Variants in HCRTR2 observed in about 807,000 individuals in gnomAD.
HCRTR2 encodes the protein orexin receptor type 2.
Under a neutral mutation model 49.0 loss-of-function variants are expected in HCRTR2, and 22 were observed. That is an observed-to-expected ratio of 0.45 (90% CI 0.32 to 0.64). The LOEUF is 0.64. Among genes scored for constraint, HCRTR2 ranks in the 30% least tolerant of loss-of-function variants. The pLI is 0.04. For synonymous variants in HCRTR2, 236 were observed against 205.3 expected (o/e 1.15, Z -1.28); for missense variants, 491 against 559.4 (o/e 0.88, Z 1.23).
chr6:55,206,374 T>C (rs2127288420), intron 1 of HCRTR2, among the ~76,000 whole-genome samples: 1 of 152,208 alleles, frequency 6.6e-6, no homozygotes, highest in South Asian at 2.1e-4. Context: ...ACTGTGATAG[T>C]ACCTGAGAAA....
At chr6:55,160,831 CA>C (rs937435636) in intron 1 of HCRTR2, among the ~76,000 whole-genome samples, 10 of 152,196 alleles carry the variant, frequency 6.6e-5, no homozygotes, top group African/African-American at 2.2e-4. Flanking sequence ...ACAAATTCAT[CA>C]AGCAAGTTCT....
rs386407128 is a variant in HCRTR2, at chr6:55,142,975, T to TAGAC, written c.-377-31233_-377-31232insCAGA. Among the ~76,000 whole-genome samples the TAGAC allele has an allele frequency of 1.8e-4, 22 of 121,712 alleles. No homozygotes were observed. In the East Asian group the frequency reaches 4.4e-3, roughly 24 times the overall value. 79.8% of individuals were successfully genotyped at this position (121,712 alleles called of 152,430 possible). Reference sequence around the variant, plus strand: ...ATAGATGGATAGAGGCAGATTATGATAGAAAGATGATAGATGATAGATAGA... The same window carrying TAGAC: ...ATAGATGGATAGAGGCAGATTATGATAGACAGAAAGATGATAGATGATAGATAGA... On this transcript the variant is annotated intron_variant, in intron 1 of 7. Transcript: ENST00000615358.
Position 55,282,614 on chromosome 6 carries a change from A to G in HCRTR2, c.*160A>G, listed in dbSNP as rs1327442717. On this transcript the variant is annotated 3_prime_UTR_variant, in exon 7 of 7. Coordinates refer to ENST00000370862, the MANE Select transcript of HCRTR2 (RefSeq NM_001384272.1). ...TTGGAAATAAAAAAAAAGTCAGTTT[A>G]AAATGATTTCTCAACTTTTGATTTA... 1.6e-6 allele frequency: 1 copy of G among 608,958 alleles called. No individual in the cohort carries two copies. The highest frequency in any genetic ancestry group is 2.7e-5 in the East Asian group (1 of 36,412). The allele number at this position is 608,958 out of a possible 1,614,324, so 37.7% of individuals were successfully genotyped here. A position where few individuals can be genotyped will look rare whatever the true frequency, so the allele number is the denominator to read the frequency against.
Position 55,174,527 on chromosome 6 carries a change from T to C in HCRTR2, c.-61T>C. The C allele has an allele frequency of 7.3e-7, 1 of 1,369,998 alleles. No individual in the cohort carries two copies. The highest frequency in any genetic ancestry group is 1.0e-6 in the Non-Finnish European group (1 of 957,866). The allele number at this position is 1,369,998 out of a possible 1,614,324, so 84.9% of individuals were successfully genotyped here. ...AGCCTTTCCCACCGCAAATCACCAG[T>C]GCTCATGGGGCAGGCGGAGAGGAGC... On this transcript the variant is annotated 5_prime_UTR_variant, in exon 1 of 7. Transcript: ENST00000370862.
At chr6:55,209,300 AG>A (rs1765657270) in intron 1 of HCRTR2, among the ~76,000 whole-genome samples, 2 of 152,256 alleles carry the variant, frequency 1.3e-5, no homozygotes, top group African/African-American at 4.8e-5. Context: ...AAAATTAATT[AG>A]AAAAAAGTTA....
intron 1 of HCRTR2, among the ~76,000 whole-genome samples, chr6:55,123,973 C>T (rs1764239539): frequency 6.6e-6 from 1 of 152,066 alleles, no homozygotes; most frequent in Non-Finnish European, 1.5e-5. Flanking sequence ...GTAGTTATAT[C>T]TCCTATATCA....
chr6:55,142,282 C>T (rs923122275), intron 1 of HCRTR2, among the ~76,000 whole-genome samples: 4 of 151,854 alleles, frequency 2.6e-5, no homozygotes, highest in African/African-American at 9.7e-5. Context: ...CTGCAAGCTC[C>T]CTCTCCTGGG....
chr6:55,236,608 A>T lies in HCRTR2; in HGVS notation c.224-12031A>T, dbSNP rs897381263. On this transcript the variant is annotated intron_variant, in intron 1 of 6. Coordinates refer to ENST00000370862, the MANE Select transcript of HCRTR2 (RefSeq NM_001384272.1). ...TGCACTTACTCCTGATCACTGAGGG[A>T]AAGACTATTTATGTGAATTAGTATT... is the stretch of plus-strand genomic sequence containing the variant. 3.3e-5 allele frequency among the ~76,000 whole-genome samples: 5 copies of T among 152,134 alleles called. No individual in the cohort carries two copies. In the East Asian group the frequency reaches 9.6e-4, roughly 29 times the overall value.
chr6:55,264,305 A>G (rs1309859313), intron 4 of HCRTR2, among the ~76,000 whole-genome samples: 1 of 152,094 alleles, frequency 6.6e-6, no homozygotes, highest in African/African-American at 2.4e-5. Flanking sequence ...GAATATTATA[A>G]GAATCAGGCA....
chr6:55,207,165 G>T (rs908104662), intron 1 of HCRTR2, among the ~76,000 whole-genome samples: 1 of 152,028 alleles, frequency 6.6e-6, no homozygotes, highest in African/African-American at 2.4e-5. Flanking sequence ...TTGTAGCAAA[G>T]TTGGAAATAA....
intron 1 of HCRTR2, among the ~76,000 whole-genome samples, chr6:55,188,433 G>T (rs1171447809): frequency 1.3e-5 from 2 of 152,164 alleles, no homozygotes; most frequent in Non-Finnish European, 1.5e-5. Context: ...AATATATGCA[G>T]ATTGTTGATT....
chr6:55,208,722 G>T lies in HCRTR2; in HGVS notation c.223+33912G>T, dbSNP rs887830770. Among the ~76,000 whole-genome samples, 3 of 152,132 alleles carry T rather than the reference G, an allele frequency of 2.0e-5. No homozygotes were observed. The South Asian group carries it at 6.2e-4, about 31-fold the overall frequency. On this transcript the variant is annotated intron_variant, in intron 1 of 6. Coordinates refer to ENST00000370862, the MANE Select transcript of HCRTR2 (RefSeq NM_001384272.1). The stretch of plus-strand genomic sequence containing the variant: ...GTCTTCCCATTTTCTGCTGTGATGT[G>T]TACTCAAGATCTCCAGATTACATCT...
chr6:55,185,754 A>G (rs142149011), intron 1 of HCRTR2, among the ~76,000 whole-genome samples: 2 of 152,352 alleles, frequency 1.3e-5, no homozygotes, highest in African/African-American at 2.4e-5. Context: ...AAAGATGAAT[A>G]AGTCCTTGAA....
intron 1 of HCRTR2, among the ~76,000 whole-genome samples, chr6:55,142,615 A>T (rs1764522969): frequency 1.3e-5 from 2 of 152,196 alleles, no homozygotes; most frequent in South Asian, 4.1e-4. Context: ...AACTTACTAT[A>T]TAAGTATATG....
At chr6:55,173,636 A>G (rs950197594), upstream of HCRTR2, among the ~76,000 whole-genome samples, 3 of 152,192 alleles carry the variant, frequency 2.0e-5, no homozygotes, top group African/African-American at 7.2e-5. Flanking sequence ...TACATCCTAC[A>G]GTGAATGTTT....
At chr6:55,242,474 T>G (rs1766355022) in intron 1 of HCRTR2, among the ~76,000 whole-genome samples, 1 of 152,144 alleles carries the variant, frequency 6.6e-6, no homozygotes, top group African/African-American at 2.4e-5. Flanking sequence ...TCCCTCTCTG[T>G]TTTTACCTTA....
chr6:55,214,817 A>G (rs3134706), intron 1 of HCRTR2, among the ~76,000 whole-genome samples: 72,921 of 151,452 alleles, frequency 0.48, 18,484 homozygotes, highest in African/African-American at 0.64. Context: ...TATTACATTA[A>G]AGGAGTTTAA....
At chr6:55,189,489 A>T (rs376649010) in intron 1 of HCRTR2, among the ~76,000 whole-genome samples, 1 of 152,216 alleles carries the variant, frequency 6.6e-6, no homozygotes, top group Non-Finnish European at 1.5e-5. Context: ...ATTAATATAA[A>T]TTTTCTGCCA....
intron 1 of HCRTR2, among the ~76,000 whole-genome samples, chr6:55,175,166 T>C (rs1308521855): frequency 1.3e-5 from 2 of 151,828 alleles, no homozygotes; most frequent in Non-Finnish European, 2.9e-5. Flanking sequence ...AGTCATCCCT[T>C]TGTGTAACGT....
Sources: allele counts gnomAD v4.1 joint callset (sites outside exome capture counted in the v4.1 genomes callset), GRCh38; gene constraint gnomAD v4.1.1; transcripts MANE v1.5; gene names NCBI Gene and HGNC (gene_info 2026-07-23, HGNC 2026-07-21).